ABL2: variants seen among roughly 807,000 people sequenced by gnomAD.
ABL2 encodes the protein tyrosine-protein kinase ABL2.
In ABL2, 49 loss-of-function variants were observed where a neutral mutation model predicts 107.7. That is an observed-to-expected ratio of 0.45 (90% confidence interval 0.36 to 0.58). The LOEUF is 0.58. Ranked by LOEUF, ABL2 falls within the 20% of genes least tolerant of loss-of-function variation. The probability of loss-of-function intolerance (pLI) is 0.00; values close to 1 mark genes in which losing one functional copy is unlikely to be tolerated. For synonymous variants in ABL2, 549 were observed against 548.6 expected, an observed-to-expected ratio of 1.00 and a Z score of -0.01; for missense variants, 1,245 against 1,457.0, an observed-to-expected ratio of 0.85 and a Z score of 2.37.
In ABL2 at chr1:179,121,835, G is replaced by A; in HGVS notation, c.720C>T (p.Thr240=). The A allele has an allele frequency of 6.2e-7, 1 of 1,613,708 alleles. No homozygotes were observed. The highest frequency in any genetic ancestry group is 1.1e-5 in the South Asian group (1 of 91,068). The change falls in exon 5 of 12, where the codon ACC becomes ACT. Residue 240 remains threonine, a synonymous_variant. Coordinates refer to ENST00000502732, the MANE Select transcript of ABL2 (RefSeq NM_007314.4). ...VYVTAESRFS[T]LAELVHHHST... ...AGTGATGGTGTACAAGCTCTGCCAA[G>A]GTGCTGAAGCGGCTCTCAGCAGTCA...
chr1:179,145,330 T>C (rs1657906895), intron 1 of ABL2, among the ~76,000 whole-genome samples: 1 of 152,184 alleles, frequency 6.6e-6, no homozygotes, highest in African/African-American at 2.4e-5. Context: ...TAATTAAAAA[T>C]TAAAATTACT....
intron 1 of ABL2, among the ~76,000 whole-genome samples, chr1:179,137,520 G>A (rs1438865706): frequency 2.0e-5 from 3 of 151,972 alleles, no homozygotes; most frequent in East Asian, 1.9e-4. Context: ...TTAATTATTC[G>A]TAGTACAGGA....
At chr1:179,168,784 G>C (rs1659541229) in intron 1 of ABL2, among the ~76,000 whole-genome samples, 1 of 152,128 alleles carries the variant, frequency 6.6e-6, no homozygotes, top group African/African-American at 2.4e-5. Context: ...TTTTAAGGAA[G>C]TATGTGAACA....
Position 179,109,456 on chromosome 1 carries a change from C to A in ABL2, c.1826-15G>T. ...TCTGATGAACCCTGATGAGAAATGG[C>A]CGATCAGTAACTTAAAAGACAAGAA... is the stretch of plus-strand genomic sequence containing the variant. On this transcript the variant is annotated splice_polypyrimidine_tract_variant and intron_variant, in intron 11 of 11. Coordinates refer to ENST00000502732, the MANE Select transcript of ABL2 (RefSeq NM_007314.4). The A allele has an allele frequency of 1.3e-6, 2 of 1,588,966 alleles. No individual in the cohort carries two copies. The highest frequency in any genetic ancestry group is 2.2e-5 in the East Asian group (1 of 44,700).
In ABL2 at chr1:179,126,605, C is replaced by T. The variant is rs1274237222; in HGVS notation, c.459G>A (p.Gly153=). The T allele has an allele frequency of 1.2e-6, 2 of 1,614,182 alleles. No individual in the cohort carries two copies. The highest frequency in any genetic ancestry group is 1.7e-6 in the Non-Finnish European group (2 of 1,180,036). Residue 153 remains glycine (G), a synonymous_variant, in exon 4 of 12, where the codon GGG becomes GGA. Transcript: ENST00000502732. This position sits in a 1 kb window ranked among gnomAD's most constrained non-coding sequence, Gnocchi z 4.4. ...GEWSEVRSKN[G]QGWVPSNYIT... The stretch of plus-strand genomic sequence containing the variant: ...TGTAGTTGCTTGGCACCCAGCCCTG[C>T]CCATTCTTAGAGCGAACTTCACTCC...
chr1:179,115,072 G>C (rs765511509), intron 8 of ABL2, 42 bp from the exon 9 acceptor site: 19 of 1,529,796 alleles, frequency 1.2e-5, no homozygotes, highest in Non-Finnish European at 1.6e-5. Context: ...TTTCTTCTCC[G>C]ATTATTTATT....
intron 1 of ABL2, among the ~76,000 whole-genome samples, chr1:179,151,603 G>T (rs1029037204): frequency 1.2e-4 from 18 of 152,036 alleles, no homozygotes; most frequent in Non-Finnish European, 2.5e-4. Flanking sequence ...AATCCAGTAC[G>T]TATGAGACTT....
intron 3 of ABL2, among the ~76,000 whole-genome samples, chr1:179,128,812 T>C (rs985436493): frequency 2.6e-5 from 4 of 152,174 alleles, no homozygotes; most frequent in Non-Finnish European, 5.9e-5. Context: ...GCCCCCCAAG[T>C]ACCTGGGTCT....
chr1:179,109,515 A>G lies in ABL2; in HGVS notation c.1826-74T>C, dbSNP rs1006542870. On this transcript the variant is annotated intron_variant, in intron 11 of 11. Coordinates refer to ENST00000502732, the MANE Select transcript of ABL2 (RefSeq NM_007314.4). ...ATTACATTTGAGTTACCGAGGCTGC[A>G]TTATGAGTTTTGTCAGCATTTATCA... The G allele has an allele frequency of 7.2e-6, 11 of 1,522,438 alleles. No homozygotes were observed. In the African/African-American group the frequency reaches 1.4e-4, roughly 19 times the overall value. The allele number at this position is 1,522,438 out of a possible 1,614,324, so 94.3% of individuals were successfully genotyped here. A position where few individuals can be genotyped will look rare whatever the true frequency, so the allele number is the denominator to read the frequency against.
In ABL2 at chr1:179,107,869, T is replaced by C; in HGVS notation, c.3398A>G (p.Lys1133Arg). The change falls in exon 12 of 12, where the codon AAA becomes AGA. Residue 1133 changes from lysine to arginine, a missense_variant. By Grantham distance (26) the Lys-to-Arg change is conservative. Around this residue, in one of 3 missense-constraint regions of ABL2, gnomAD observed 761 missense variants for 766.4 expected, o/e 0.99. Coordinates refer to ENST00000502732, the MANE Select transcript of ABL2 (RefSeq NM_007314.4). ...YVDCIPQTRN[K>R]FAFREAVSKL... ...GCTCACAGCCTCTCGGAAGGCAAAT[T>C]TGTTGCGAGTTTGAGGGATGCAGTC... is the stretch of plus-strand genomic sequence containing the variant. The C allele has an allele frequency of 1.9e-6, 3 of 1,614,124 alleles. No individual in the cohort carries two copies. The highest frequency in any genetic ancestry group is 2.5e-6 in the Non-Finnish European group (3 of 1,180,014).
rs549024039 is a variant in ABL2 at position 179,150,056 on chromosome 1, A to AC, written c.158-16683dup. The stretch of plus-strand genomic sequence containing the variant: ...AGACCAGCTTGGGCAACATAGTGAG[A>AC]CCCCATCTCTAAAAAAAAAATTTTT... On this transcript the variant is annotated intron_variant, in intron 1 of 11. Transcript: ENST00000502732. 2.0e-4 allele frequency among the ~76,000 whole-genome samples: 31 copies of AC among 151,910 alleles called. No individual in the cohort carries two copies. In the South Asian group the frequency reaches 6.5e-3, roughly 32 times the overall value.
At chr1:179,194,949 A>T (rs1040475140) in intron 1 of ABL2, among the ~76,000 whole-genome samples, 1 of 152,184 alleles carries the variant, frequency 6.6e-6, no homozygotes, top group East Asian at 1.9e-4. Context: ...AACACTTGTT[A>T]AAAAATGCCC....
chr1:179,117,820 T>A (rs1264216946), intron 7 of ABL2, among the ~76,000 whole-genome samples: 2 of 152,014 alleles, frequency 1.3e-5, no homozygotes, highest in Non-Finnish European at 2.9e-5. Flanking sequence ...AAAACTATTT[T>A]AAAAATTCAG....
chr1:179,208,459 A>C (rs28991596), intron 1 of ABL2, among the ~76,000 whole-genome samples: 1,742 of 152,304 alleles, frequency 0.011, 31 homozygotes, highest in African/African-American at 0.039. Context: ...AGCTGCATCC[A>C]TGTTGCTGCA....
At chr1:179,207,830 C>T (rs933666382) in intron 1 of ABL2, among the ~76,000 whole-genome samples, 2 of 152,154 alleles carry the variant, frequency 1.3e-5, no homozygotes, top group Non-Finnish European at 2.9e-5. Flanking sequence ...ATGCCATTAA[C>T]AGCATGTTTA....
chr1:179,184,357 C>A, intron 1 of ABL2: 1 of 652,588 alleles, frequency 1.5e-6, no homozygotes, highest in Non-Finnish European at 2.6e-6. Flanking sequence ...AAATGGAAAG[C>A]TGGAAAGGAT....
In ABL2 at chr1:179,178,760, T is replaced by TG. The variant is rs551418733; in HGVS notation, c.158-45387dup. ...CAAAAATTAGCTGAGTGTGGTGGGC[T>TG]GGGGGGGGTGCCTGTAATCCCAGCT... is the stretch of plus-strand genomic sequence containing the variant. On this transcript the variant is annotated intron_variant, in intron 1 of 11. Coordinates refer to ENST00000502732, the MANE Select transcript of ABL2 (RefSeq NM_007314.4). 6.9e-4 allele frequency among the ~76,000 whole-genome samples: 104 copies of TG among 150,614 alleles called. 1 individual carries two copies. In the South Asian group the frequency reaches 7.8e-3, roughly 11 times the overall value.
In ABL2 at chr1:179,102,116, A is replaced by C. The variant is rs973482789; in HGVS notation, c.*5602T>G. 1.4e-5 allele frequency: 2 copies of C among 145,258 alleles called. No homozygotes were observed. The highest frequency in any genetic ancestry group is 2.8e-5 in the Non-Finnish European group (2 of 72,038). 9.0% of individuals were successfully genotyped at this position (145,258 alleles called of 1,614,324 possible). A position where few individuals can be genotyped will look rare whatever the true frequency, so the allele number is the denominator to read the frequency against. ...AAGCTCCGCCTCCTGGGTTCACGCC[A>C]TTCTCCTGCCTCAGCCTCCCCAGTA... On this transcript the variant is annotated 3_prime_UTR_variant, in exon 12 of 12. Coordinates refer to ENST00000502732, the MANE Select transcript of ABL2 (RefSeq NM_007314.4).
intron 1 of ABL2, among the ~76,000 whole-genome samples, chr1:179,206,141 T>C (rs1661957609): frequency 6.6e-6 from 1 of 152,148 alleles, no homozygotes; most frequent in South Asian, 2.1e-4. Flanking sequence ...TTAACTACCA[T>C]TATACATTAT....
Sources: allele counts gnomAD v4.1 joint callset (sites outside exome capture counted in the v4.1 genomes callset), GRCh38; gene constraint gnomAD v4.1.1; regional missense constraint gnomAD v4.1.1; non-coding constraint Gnocchi (gnomAD v3.1); transcripts MANE v1.5; gene names NCBI Gene and HGNC (gene_info 2026-07-23, HGNC 2026-07-21).